Variants in NEDD4L observed in about 807,000 individuals in gnomAD.
The protein encoded by NEDD4L is E3 ubiquitin-protein ligase NEDD4-like.
In NEDD4L, 54 loss-of-function variants were observed where a neutral mutation model predicts 148.9. That is an observed-to-expected ratio of 0.36 (90% CI 0.29 to 0.45). The LOEUF (loss-of-function observed/expected upper bound fraction) is 0.45. NEDD4L is among the 20% of genes least tolerant of loss of function. The pLI, the probability that NEDD4L is intolerant of heterozygous loss-of-function variation, is 1.00. For missense variants in NEDD4L, 856 were observed against 1,233.8 expected (o/e 0.69, Z 4.59); for synonymous variants, 433 against 440.7 (o/e 0.98, Z 0.22).
At chr18:58,329,874 C>G (rs1385737442) in intron 10 of NEDD4L, among the ~76,000 whole-genome samples, 2 of 152,096 alleles carry the variant, frequency 1.3e-5, no homozygotes, top group Non-Finnish European at 2.9e-5. Flanking sequence ...CTAACCATGT[C>G]TCATTAAATG....
In NEDD4L at chr18:58,166,681, A is replaced by G. The variant is rs192294376; in HGVS notation, c.122+820A>G. On this transcript the variant is annotated intron_variant, in intron 2 of 30. Transcript: ENST00000400345. ...GTGATGTTTGAGGAGTGACAGGAAC[A>G]CTCCTCCTGCCTCTACCCAGTACAT... Among the ~76,000 whole-genome samples, 603 of 152,066 alleles carry G rather than the reference A, an allele frequency of 4.0e-3. 5 individuals are homozygous for G. Among genetic ancestry groups the G allele is most frequent in the African/African-American group, 0.014 (570 of 41,466 alleles).
intron 2 of NEDD4L, among the ~76,000 whole-genome samples, chr18:58,197,200 G>A (rs1235912618): frequency 5.3e-5 from 8 of 152,142 alleles, no homozygotes; most frequent in South Asian, 2.1e-4. Flanking sequence ...AGCCTGGGCC[G>A]TCACCTTAAA....
chr18:58,135,722 G>A (rs760639985), intron 1 of NEDD4L, among the ~76,000 whole-genome samples: 4 of 152,160 alleles, frequency 2.6e-5, no homozygotes, highest in Non-Finnish European at 5.9e-5. Context: ...TGGTATTCCT[G>A]GTACGTGGAC....
chr18:58,262,608 G>A (rs374270430), intron 5 of NEDD4L, among the ~76,000 whole-genome samples: 1 of 148,544 alleles, frequency 6.7e-6, no homozygotes, highest in East Asian at 2.0e-4. Flanking sequence ...CAGCCTGGGC[G>A]ACAGAGTGAA....
intron 2 of NEDD4L, among the ~76,000 whole-genome samples, chr18:58,214,319 G>A (rs1486161072): frequency 1.3e-5 from 2 of 152,112 alleles, no homozygotes; most frequent in Non-Finnish European, 2.9e-5. Flanking sequence ...TCCCATATCT[G>A]TTCATGTGAT....
At chr18:58,266,056 T>G (rs2050177173) in intron 5 of NEDD4L, among the ~76,000 whole-genome samples, 1 of 152,136 alleles carries the variant, frequency 6.6e-6, no homozygotes, top group South Asian at 2.1e-4. Context: ...GGTACATGTA[T>G]TTAAATATCA....
At chr18:58,243,428 C>T (rs747489968) in intron 2 of NEDD4L, among the ~76,000 whole-genome samples, 21 of 152,192 alleles carry the variant, frequency 1.4e-4, no homozygotes, top group Admixed American at 1.2e-3. Context: ...CAGTAGTTCT[C>T]TGAGTGTGGT....
Position 58,342,121 on chromosome 18 carries a change from G to A in NEDD4L, c.1377+324G>A, listed in dbSNP as rs537084491. Reference sequence around the variant, plus strand: ...TTGCCTGTTACCTCATTAGAATTGCGTAATCCCTCTTTCAAATACCAAGTG... The same window carrying A: ...TTGCCTGTTACCTCATTAGAATTGCATAATCCCTCTTTCAAATACCAAGTG... On this transcript the variant is annotated intron_variant, in intron 15 of 30. Transcript: ENST00000400345. Among the ~76,000 whole-genome samples the A allele has an allele frequency of 4.5e-4, 69 of 152,298 alleles. 1 individual carries two copies. Among genetic ancestry groups the A allele is most frequent in the African/African-American group, 1.5e-3 (61 of 41,550 alleles).
intron 20 of NEDD4L, among the ~76,000 whole-genome samples, chr18:58,364,620 A>G (rs2063071346): frequency 1.3e-5 from 2 of 152,246 alleles, no homozygotes; most frequent in Admixed American, 6.5e-5. Context: ...AAAATAATTC[A>G]GAACCCTAGT....
intron 5 of NEDD4L, among the ~76,000 whole-genome samples, chr18:58,298,940 A>G (rs887252969): frequency 6.6e-6 from 1 of 152,266 alleles, no homozygotes; most frequent in East Asian, 1.9e-4. Flanking sequence ...TTACTTAGCC[A>G]TCACATTGAA....
At chr18:58,212,164 T>C (rs1332308068) in intron 2 of NEDD4L, among the ~76,000 whole-genome samples, 1 of 152,144 alleles carries the variant, frequency 6.6e-6, no homozygotes. Flanking sequence ...ACGGTCTCAC[T>C]CTGTCAGGCT....
In NEDD4L at chr18:58,262,026, G is replaced by A. The variant is rs1278520064; in HGVS notation, c.297+9972G>A. 4.6e-5 allele frequency among the ~76,000 whole-genome samples: 7 copies of A among 152,070 alleles called. No homozygotes were observed. The South Asian group carries it at 1.0e-3, about 23-fold the overall frequency. ...CCTCAGAGTTGGCTGGTGATTATTC[G>A]GACAGGTTATCATCCTGTCTGCAAC... On this transcript the variant is annotated intron_variant, in intron 5 of 30. Coordinates refer to ENST00000400345, the MANE Select transcript of NEDD4L (RefSeq NM_001144967.3).
intron 1 of NEDD4L, among the ~76,000 whole-genome samples, chr18:58,083,675 G>A (rs893082717): frequency 7.4e-6 from 1 of 134,598 alleles, no homozygotes; most frequent in African/African-American, 2.9e-5. Context: ...GCGACAGAGC[G>A]AGACTCCATC....
At chr18:58,114,444 T>A (rs1462514771) in intron 1 of NEDD4L, among the ~76,000 whole-genome samples, 1 of 152,180 alleles carries the variant, frequency 6.6e-6, no homozygotes, top group Non-Finnish European at 1.5e-5. Context: ...ACTCTTGGCC[T>A]CCAGCAGTCA....
At chr18:58,166,256 T>C (rs763299507) in intron 2 of NEDD4L, among the ~76,000 whole-genome samples, 16 of 152,244 alleles carry the variant, frequency 1.1e-4, no homozygotes, top group Non-Finnish European at 1.8e-4. Flanking sequence ...ATTCTGGACA[T>C]GTATAATCTG....
intron 24 of NEDD4L, among the ~76,000 whole-genome samples, chr18:58,373,804 C>T (rs1802526380): frequency 6.6e-6 from 1 of 152,204 alleles, no homozygotes; most frequent in South Asian, 2.1e-4. Context: ...TCAGACTGGT[C>T]AGCAGGGATT....
At chr18:58,280,242 G>A (rs1042776377) in intron 5 of NEDD4L, among the ~76,000 whole-genome samples, 1 of 152,154 alleles carries the variant, frequency 6.6e-6, no homozygotes, top group African/African-American at 2.4e-5. Context: ...GCCTCTGGGT[G>A]TGTGGCCCAT....
intron 1 of NEDD4L, among the ~76,000 whole-genome samples, chr18:58,131,738 A>G (rs576811302): frequency 4.3e-4 from 65 of 152,120 alleles, no homozygotes; most frequent in Non-Finnish European, 7.8e-4. Context: ...GTTGTGATCT[A>G]GTTGAACTGT....
chr18:58,369,312 G>T (rs1332151992), intron 22 of NEDD4L, among the ~76,000 whole-genome samples: 1 of 152,198 alleles, frequency 6.6e-6, no homozygotes, highest in Non-Finnish European at 1.5e-5. Flanking sequence ...GGGTCTCAAG[G>T]AGCTGGCTAA....
Sources: allele counts gnomAD v4.1 joint callset (sites outside exome capture counted in the v4.1 genomes callset), GRCh38; gene constraint gnomAD v4.1.1; transcripts MANE v1.5; gene names NCBI Gene and HGNC (gene_info 2026-07-23, HGNC 2026-07-21).